The following CDR2L variants were observed in gnomAD, a reference collection of about 807,000 sequenced individuals.
CDR2L encodes cerebellar degeneration-related protein 2-like.
In CDR2L, 19 loss-of-function variants were observed where a neutral mutation model predicts 36.1. That is an observed-to-expected ratio of 0.53 (90% confidence interval 0.37 to 0.77). The LOEUF (loss-of-function observed/expected upper bound fraction) is 0.77, where lower values mean the gene tolerates loss of function less well. CDR2L is among the 30% of genes least tolerant of loss of function. The probability of loss-of-function intolerance (pLI) is 0.00; values close to 1 mark genes in which losing one functional copy is unlikely to be tolerated. For missense variants in CDR2L, 575 were observed against 627.2 expected (o/e 0.92, Z 0.89); for synonymous variants, 285 against 280.4 (o/e 1.02, Z -0.16).
intron 1 of CDR2L, among the ~76,000 whole-genome samples, chr17:74,994,186 G>A (rs111738839): frequency 0.015 from 2,301 of 152,278 alleles, 28 homozygotes; most frequent in Admixed American, 0.021. Context: ...CGAAACAACC[G>A]TATCTAGGAA....
intron 2 of CDR2L, among the ~76,000 whole-genome samples, chr17:75,000,374 T>C (rs1160361685): frequency 0.054 from 3 of 56 alleles, no homozygotes; most frequent in African/African-American, 0.21. Flanking sequence ...CTGGGCTCAC[T>C]GCAGCTCTGC....
intron 1 of CDR2L, among the ~76,000 whole-genome samples, chr17:74,992,669 A>T (rs2039803822): frequency 6.6e-6 from 1 of 152,126 alleles, no homozygotes; most frequent in East Asian, 1.9e-4. Context: ...TTGCGCTGTG[A>T]TCCAGTTTCC....
intron 1 of CDR2L, among the ~76,000 whole-genome samples, chr17:74,994,482 G>A (rs1190195049): frequency 6.6e-6 from 1 of 152,160 alleles, no homozygotes; most frequent in Admixed American, 6.5e-5. Context: ...TGTATTTCTA[G>A]GAATTCTGTA....
intron 1 of CDR2L, among the ~76,000 whole-genome samples, chr17:74,999,196 A>C (rs1421097852): frequency 1.3e-5 from 2 of 151,996 alleles, no homozygotes; most frequent in Non-Finnish European, 2.9e-5. Flanking sequence ...GCAGCTTAGA[A>C]CCACACCCCT....
chr17:75,002,290 C>A lies in CDR2L; in HGVS notation c.506+62C>A. ...CAGCCATGGGAGGAAGGAGAGGCAG[C>A]AGGCAGCAGGGTGCAGTTGGTGCAT... is the stretch of plus-strand genomic sequence containing the variant. On this transcript the variant is annotated intron_variant, in intron 4 of 4. Transcript: ENST00000337231. This position sits in a 1 kb window ranked among gnomAD's most constrained non-coding sequence, Gnocchi z 4.1. 1 of 1,467,082 alleles carries A rather than the reference C, an allele frequency of 6.8e-7. No homozygotes were observed. Among genetic ancestry groups the A allele is most frequent in the Non-Finnish European group, 9.3e-7 (1 of 1,075,952 alleles). The allele number at this position is 1,467,082 out of a possible 1,614,324, so 90.9% of individuals were successfully genotyped here. A position where few individuals can be genotyped will look rare whatever the true frequency, so the allele number is the denominator to read the frequency against.
intron 1 of CDR2L, among the ~76,000 whole-genome samples, chr17:74,991,355 TAG>T (rs2039795467): frequency 1.4e-5 from 2 of 140,762 alleles, no homozygotes; most frequent in Admixed American, 7.6e-5. Flanking sequence ...TGAGCTGAGA[TAG>T]CTAGCGCCAT....
At position 74,996,143 on chromosome 17, in the gene CDR2L, G is replaced by A. The variant is rs577661023; in HGVS notation, c.80-3361G>A. ...TAGAATATTTTTATCACCCTGCCTCGTTTTAGAAACAAAAAACAGGCCAGG... is the reference window on the plus strand; with the variant it reads ...TAGAATATTTTTATCACCCTGCCTCATTTTAGAAACAAAAAACAGGCCAGG... On this transcript the variant is annotated intron_variant, in intron 1 of 4. Coordinates refer to ENST00000337231, the MANE Select transcript of CDR2L (RefSeq NM_014603.3). Among the ~76,000 whole-genome samples, 3 of 149,522 alleles carry A rather than the reference G, an allele frequency of 2.0e-5. No homozygotes were observed. The South Asian group carries it at 6.5e-4, about 33-fold the overall frequency.
Position 75,003,874 on chromosome 17 carries a change from G to C in CDR2L, c.1198G>C (p.Asp400His). 1 of 1,599,944 alleles carries C rather than the reference G, an allele frequency of 6.3e-7. No individual in the cohort carries two copies. The highest frequency in any genetic ancestry group is 8.5e-7 in the Non-Finnish European group (1 of 1,173,834). The stretch of plus-strand genomic sequence containing the variant: ...CATCTCCCGGGACAGCTCGTGGAGG[G>C]ACCTGCGCGGGGGTGAGGAGGGCCA... ...RPISRDSSWRDLRGGEEGQGE... is the reference protein window; with the variant it reads ...RPISRDSSWRHLRGGEEGQGE... Residue 400 changes from aspartate to histidine, a missense_variant, in exon 5 of 5, where the codon GAC becomes CAC. Coordinates refer to ENST00000337231, the MANE Select transcript of CDR2L (RefSeq NM_014603.3).
chr17:74,995,199 G>C (rs902515420), intron 1 of CDR2L, among the ~76,000 whole-genome samples: 2 of 150,970 alleles, frequency 1.3e-5, no homozygotes, highest in South Asian at 2.1e-4. Flanking sequence ...ACTGTGCCCA[G>C]TCTACACTTT....
At position 74,987,691 on chromosome 17, in the gene CDR2L, C is replaced by T. The variant is rs1323222611; in HGVS notation, c.-353C>T. On this transcript the variant is annotated 5_prime_UTR_variant, in exon 1 of 5. Coordinates refer to ENST00000337231, the MANE Select transcript of CDR2L (RefSeq NM_014603.3). ...GGCCAGGAGCAGCGCGGACCCGAGCCGGGCAGGGGGCGCCCGCCACGGCAC... is the reference window on the plus strand; with the variant it reads ...GGCCAGGAGCAGCGCGGACCCGAGCTGGGCAGGGGGCGCCCGCCACGGCAC... 15 of 158,676 alleles carry T rather than the reference C, an allele frequency of 9.5e-5. No homozygotes were observed. Among genetic ancestry groups the T allele is most frequent in the Non-Finnish European group, 1.9e-4 (14 of 72,506 alleles). 9.8% of individuals were successfully genotyped at this position (158,676 alleles called of 1,614,324 possible).
Position 75,003,680 on chromosome 17 carries a change from C to G in CDR2L, c.1004C>G (p.Ala335Gly). The G allele has an allele frequency of 6.9e-7, 1 of 1,459,458 alleles. No homozygotes were observed. Among genetic ancestry groups the G allele is most frequent in the African/African-American group, 1.4e-5 (1 of 70,110 alleles). 90.4% of individuals were successfully genotyped at this position (1,459,458 alleles called of 1,614,324 possible). The change falls in exon 5 of 5, where the codon GCG (alanine) becomes GGG (glycine). Residue 335 changes from alanine to glycine, a missense_variant. Transcript: ENST00000337231. ...IVAKDPASRHAGNLTLHANSV... is the reference protein window; with the variant it reads ...IVAKDPASRHGGNLTLHANSV... ...GCCAAAGACCCAGCCAGCCGGCACG[C>G]GGGCAACCTCACACTGCACGCCAAC...
chr17:74,996,785 AAG>A (rs1424163389), intron 1 of CDR2L, among the ~76,000 whole-genome samples: 1 of 152,132 alleles, frequency 6.6e-6, no homozygotes, highest in East Asian at 1.9e-4. Context: ...TCCTCAGGGA[AAG>A]AAGGTTTGAG....
intron 1 of CDR2L, among the ~76,000 whole-genome samples, chr17:74,993,352 A>G (rs996786583): frequency 3.3e-5 from 5 of 151,350 alleles, no homozygotes; most frequent in African/African-American, 1.2e-4. Flanking sequence ...ATCTTGGCTC[A>G]CTGCAACCTC....
Position 75,004,859 on chromosome 17 carries a change from T to TAAG in CDR2L, c.*786_*788dup, listed in dbSNP as rs1230403513. On this transcript the variant is annotated 3_prime_UTR_variant, in exon 5 of 5. Coordinates refer to ENST00000337231, the MANE Select transcript of CDR2L (RefSeq NM_014603.3). Reference sequence around the variant, plus strand: ...AACCCCAGAAATGCCTGCTGGGCCTTAAGCTTTCCAGGGGCCGGGGCAGTG... The same window carrying TAAG: ...AACCCCAGAAATGCCTGCTGGGCCTTAAGAAGCTTTCCAGGGGCCGGGGCAGTG... 6.5e-6 allele frequency: 1 copy of TAAG among 153,222 alleles called. No homozygotes were observed. The highest frequency in any genetic ancestry group is 2.4e-5 in the African/African-American group (1 of 41,462). 9.5% of individuals were successfully genotyped at this position (153,222 alleles called of 1,614,324 possible).
intron 1 of CDR2L, among the ~76,000 whole-genome samples, chr17:74,997,732 T>A (rs1431324442): frequency 2.1e-4 from 32 of 151,402 alleles, no homozygotes; most frequent in Non-Finnish European, 1.5e-5. Flanking sequence ...ACAAAAAAAA[T>A]TTAAGAATTT....
In CDR2L at chr17:75,000,699, G is replaced by A. The variant is rs535591529; in HGVS notation, c.193-642G>A. Among the ~76,000 whole-genome samples the A allele has an allele frequency of 1.1e-3, 164 of 150,194 alleles. 2 individuals are homozygous for A. Among genetic ancestry groups the A allele is most frequent in the African/African-American group, 3.9e-3 (161 of 41,046 alleles). ...AGAGGCCAAGGCGGGCAGATCACGAGGTCAGGAGATCGAGACCATCCTGGC... is the reference window on the plus strand; with the variant it reads ...AGAGGCCAAGGCGGGCAGATCACGAAGTCAGGAGATCGAGACCATCCTGGC... On this transcript the variant is annotated intron_variant, in intron 2 of 4. Transcript: ENST00000337231.
At position 75,003,749 on chromosome 17, in the gene CDR2L, A is replaced by G; in HGVS notation, c.1073A>G (p.Glu358Gly). The G allele has an allele frequency of 6.7e-7, 1 of 1,485,706 alleles. No individual in the cohort carries two copies. The allele number at this position is 1,485,706 out of a possible 1,614,324, so 92.0% of individuals were successfully genotyped here. The change falls in exon 5 of 5, where the codon GAG becomes GGG. Residue 358 changes from glutamate to glycine, a missense_variant. Glu to Gly is a moderately conservative substitution (Grantham distance 98, BLOSUM62 -2). Coordinates refer to ENST00000337231, the MANE Select transcript of CDR2L (RefSeq NM_014603.3). ...RGMSILREVDEQYHALLEKYE... is the reference protein window; with the variant it reads ...RGMSILREVDGQYHALLEKYE... ...ATGTCCATCCTGCGGGAGGTGGACG[A>G]GCAGTACCACGCGCTGCTGGAGAAG...
Position 75,000,446 on chromosome 17 carries a change from A to G in CDR2L, c.192+830A>G, listed in dbSNP as rs571865610. 3.7e-3 allele frequency among the ~76,000 whole-genome samples: 556 copies of G among 149,682 alleles called. 2 individuals are homozygous for G. Among genetic ancestry groups the G allele is most frequent in the Non-Finnish European group, 6.3e-3 (422 of 67,300 alleles). Reference sequence around the variant, plus strand: ...TGAGTAGCTGGGACTACAGGCGCCCACCACCGCACCCGGTTAATTTTTTTT... The same window carrying G: ...TGAGTAGCTGGGACTACAGGCGCCCGCCACCGCACCCGGTTAATTTTTTTT... On this transcript the variant is annotated intron_variant, in intron 2 of 4. Transcript: ENST00000337231.
At position 75,002,359 on chromosome 17, in the gene CDR2L, C is replaced by A. The variant is rs922325932; in HGVS notation, c.506+131C>A. 18 of 782,426 alleles carry A rather than the reference C, an allele frequency of 2.3e-5. 1 individual carries two copies. The African/African-American group carries it at 3.2e-4, about 14-fold the overall frequency. 48.5% of individuals were successfully genotyped at this position (782,426 alleles called of 1,614,324 possible). Reference sequence around the variant, plus strand: ...GACTGGTCCTGTTGCTAATGACAGTCACAGCAGCTGGCGTTTACTGAGCCC... The same window carrying A: ...GACTGGTCCTGTTGCTAATGACAGTAACAGCAGCTGGCGTTTACTGAGCCC... On this transcript the variant is annotated intron_variant, in intron 4 of 4. Transcript: ENST00000337231. This position sits in a 1 kb window ranked among gnomAD's most constrained non-coding sequence, Gnocchi z 4.1.
Sources: allele counts gnomAD v4.1 joint callset (sites outside exome capture counted in the v4.1 genomes callset), GRCh38; gene constraint gnomAD v4.1.1; non-coding constraint Gnocchi (gnomAD v3.1); transcripts MANE v1.5; gene names NCBI Gene and HGNC (gene_info 2026-07-23, HGNC 2026-07-21).